Variants in TES observed in about 807,000 individuals in gnomAD.
TES encodes the protein testin.
Under a neutral mutation model 48.2 loss-of-function variants are expected in TES, and 41 were observed. The observed-to-expected ratio is 0.85, with a 90% CI of 0.66 to 1.10. The LOEUF is 1.10. Among genes scored for constraint, TES ranks in the 50% least tolerant of loss-of-function variants. The pLI, the probability that TES is intolerant of heterozygous loss-of-function variation, is 0.00. For synonymous variants in TES, 162 were observed against 174.9 expected (o/e 0.93, Z 0.58); for missense variants, 463 against 515.1 (o/e 0.90, Z 0.98).
intron 1 of TES, among the ~76,000 whole-genome samples, chr7:116,227,200 T>C (rs1048510399): frequency 4.0e-5 from 6 of 151,788 alleles, no homozygotes; most frequent in Non-Finnish European, 8.8e-5. Context: ...CACTGCAACC[T>C]CTGTCCCCTG....
At chr7:116,234,958 T>C (rs1368981138) in intron 2 of TES, among the ~76,000 whole-genome samples, 1 of 152,200 alleles carries the variant, frequency 6.6e-6, no homozygotes, top group African/African-American at 2.4e-5. Context: ...TGTTACTTTT[T>C]TTTTGAGACG....
chr7:116,250,068 T>TCTTTCTTTTGTAA, intron 3 of TES, 93 bp from the exon 4 acceptor site: 2 of 1,139,720 alleles, frequency 1.8e-6, no homozygotes, highest in Non-Finnish European at 2.4e-6. Context: ...AGAACCCACT[T>TCTTTCTTTTGTAA]CTTTCTTAAG....
intron 4 of TES, 42 bp downstream of exon 4, chr7:116,250,538 T>A: frequency 7.2e-7 from 1 of 1,390,626 alleles, no homozygotes; most frequent in Non-Finnish European, 9.4e-7. Flanking sequence ...TTGTATACTT[T>A]ACAGAATTTT....
intron 2 of TES, among the ~76,000 whole-genome samples, chr7:116,240,525 ATG>A (rs1460325481): frequency 6.6e-6 from 1 of 151,938 alleles, no homozygotes; most frequent in Non-Finnish European, 1.5e-5. Context: ...TTGCATATAT[ATG>A]TGTTAATGGT....
intron 2 of TES, among the ~76,000 whole-genome samples, chr7:116,245,142 G>C (rs148745972): frequency 6.6e-6 from 1 of 152,166 alleles, no homozygotes; most frequent in South Asian, 2.1e-4. Context: ...ATTAACATCC[G>C]GGCACCTTGT....
At chr7:116,242,152 G>T (rs1012242370) in intron 2 of TES, among the ~76,000 whole-genome samples, 1 of 152,054 alleles carries the variant, frequency 6.6e-6, no homozygotes, top group African/African-American at 2.4e-5. Flanking sequence ...GCTAATTATT[G>T]GGATGCATGC....
chr7:116,216,342 C>G (rs906559641), intron 1 of TES, among the ~76,000 whole-genome samples: 6 of 152,048 alleles, frequency 3.9e-5, no homozygotes, highest in African/African-American at 1.2e-4. Flanking sequence ...TATCCGTTTT[C>G]TCACTTCCAT....
chr7:116,213,507 A>C (rs1300362825), intron 1 of TES, among the ~76,000 whole-genome samples: 1 of 152,228 alleles, frequency 6.6e-6, no homozygotes, highest in African/African-American at 2.4e-5. Context: ...GTCTTTATTA[A>C]ACAGTGATTG....
intron 2 of TES, chr7:116,237,910 A>G (rs1799794831): frequency 1.3e-5 from 2 of 152,008 alleles, no homozygotes; most frequent in East Asian, 3.9e-4. Context: ...ACCTATTCCA[A>G]TGGATTGTGA....
intron 1 of TES, among the ~76,000 whole-genome samples, chr7:116,233,264 A>T (rs1201655447): frequency 6.6e-6 from 1 of 152,068 alleles, no homozygotes; most frequent in Non-Finnish European, 1.5e-5. Context: ...TTTTTTTCCA[A>T]TATCAGTCGT....
At chr7:116,217,636 T>G in intron 1 of TES, 1 of 319,184 alleles carries the variant, frequency 3.1e-6, no homozygotes, top group South Asian at 2.9e-5. Context: ...AACAAAAGAC[T>G]AATCAAAAAC....
chr7:116,247,940 G>C (rs1364307408), intron 2 of TES, among the ~76,000 whole-genome samples: 1 of 152,084 alleles, frequency 6.6e-6, no homozygotes, highest in Non-Finnish European at 1.5e-5. Flanking sequence ...GTACCTGAGA[G>C]TTAGCTTTTC....
At chr7:116,218,936 C>T (rs1799525251) in intron 1 of TES, among the ~76,000 whole-genome samples, 1 of 152,082 alleles carries the variant, frequency 6.6e-6, no homozygotes, top group African/African-American at 2.4e-5. Flanking sequence ...CACAAAATTA[C>T]TTTAAGTATA....
At chr7:116,242,790 T>G (rs1366663310) in intron 2 of TES, among the ~76,000 whole-genome samples, 1 of 152,216 alleles carries the variant, frequency 6.6e-6, no homozygotes, top group Non-Finnish European at 1.5e-5. Context: ...TGCATTTCTC[T>G]GTGGTCATAG....
chr7:116,217,778 G>A, intron 1 of TES: 1 of 518,362 alleles, frequency 1.9e-6, no homozygotes, highest in South Asian at 1.4e-5. Flanking sequence ...AAATTTAGAG[G>A]TTATGCTTTT....
intron 2 of TES, among the ~76,000 whole-genome samples, chr7:116,245,850 G>A (rs1799916667): frequency 6.6e-6 from 1 of 152,148 alleles, no homozygotes; most frequent in East Asian, 1.9e-4. Flanking sequence ...AAACATGGTG[G>A]AACGCAAAGC....
chr7:116,230,201 A>G (rs138643336), intron 1 of TES, among the ~76,000 whole-genome samples: 1 of 152,296 alleles, frequency 6.6e-6, no homozygotes, highest in East Asian at 1.9e-4. Flanking sequence ...GAGAAAGTGT[A>G]TCATATTGCC....
chr7:116,219,114 G>A (rs1397394750), intron 1 of TES, among the ~76,000 whole-genome samples: 1 of 152,010 alleles, frequency 6.6e-6, no homozygotes, highest in African/African-American at 2.4e-5. Flanking sequence ...TGTGGGTTGC[G>A]ATTATTTTAT....
In TES at chr7:116,251,848, C is replaced by T. The variant is rs1385820690; in HGVS notation, c.791C>T (p.Ala264Val). The T allele has an allele frequency of 6.2e-7, 1 of 1,614,158 alleles. No individual in the cohort carries two copies. The highest frequency in any genetic ancestry group is 1.1e-5 in the South Asian group (1 of 91,076). Residue 264 changes from alanine to valine, a missense_variant, in exon 5 of 7, where the codon GCT (alanine) becomes GTT (valine). By Grantham distance (64) the Ala-to-Val change is moderately conservative. Coordinates refer to ENST00000358204, the MANE Select transcript of TES (RefSeq NM_015641.4). ...GGCTATGATAAACTGTGGCACCCAG[C>T]TTGTTTTGTCTGCAGCACCTGCCAT... ...RAGYDKLWHP[A>V]CFVCSTCHEL...
Sources: gnomAD v4.1 joint callset for allele counts (sites outside exome capture counted in the v4.1 genomes callset) on GRCh38, gnomAD v4.1.1 for gene constraint, MANE v1.5 for transcripts, NCBI Gene and HGNC (gene_info 2026-07-23, HGNC 2026-07-21) for gene names.